SH3D19: variants seen among roughly 807,000 people sequenced by gnomAD.
The protein encoded by SH3D19 is SH3 domain-containing protein 19.
SH3D19 carries 58 observed loss-of-function variants against 112.1 expected under a neutral mutation model. The observed-to-expected ratio is 0.52, with a 90% CI of 0.42 to 0.64. The LOEUF is 0.64. SH3D19 is among the 30% of genes least tolerant of loss of function. The pLI is 0.00. For missense variants in SH3D19, 1,090 were observed against 1,263.4 expected (o/e 0.86, Z 2.08); for synonymous variants, 391 against 448.5 (o/e 0.87, Z 1.62).
chr4:151,159,853 T>C (rs944018480), intron 8 of SH3D19, among the ~76,000 whole-genome samples: 1 of 152,200 alleles, frequency 6.6e-6, no homozygotes, highest in Non-Finnish European at 1.5e-5. Flanking sequence ...TCTATCTTTG[T>C]AGAAAGTTCT....
chr4:151,127,325 A>G (rs1402962695), intron 19 of SH3D19, among the ~76,000 whole-genome samples: 1 of 152,192 alleles, frequency 6.6e-6, no homozygotes, highest in African/African-American at 2.4e-5. Flanking sequence ...TAAAAACCCT[A>G]ATATTACTGA....
intron 11 of SH3D19, among the ~76,000 whole-genome samples, chr4:151,145,898 T>C (rs1348055022): frequency 2.0e-5 from 3 of 152,216 alleles, no homozygotes; most frequent in African/African-American, 7.2e-5. Flanking sequence ...AATATCTACC[T>C]CACAAGGTTG....
At chr4:151,154,592 T>G (rs1425972387) in intron 9 of SH3D19, among the ~76,000 whole-genome samples, 1 of 151,370 alleles carries the variant, frequency 6.6e-6, no homozygotes, top group Non-Finnish European at 1.5e-5. Flanking sequence ...TTTCTTTTTT[T>G]TTGAGACAGA....
At chr4:151,223,810 C>T (rs1768495574) in intron 2 of SH3D19, among the ~76,000 whole-genome samples, 1 of 152,172 alleles carries the variant, frequency 6.6e-6, no homozygotes, top group African/African-American at 2.4e-5. Context: ...CCCAACCTGA[C>T]TACGCATCAG....
intron 19 of SH3D19, among the ~76,000 whole-genome samples, chr4:151,125,487 A>C (rs1274766763): frequency 1.7e-5 from 1 of 59,360 alleles, no homozygotes; most frequent in African/African-American, 3.1e-5. Context: ...AAAACAAAAC[A>C]AAACCAAAAA....
intron 8 of SH3D19, among the ~76,000 whole-genome samples, chr4:151,164,492 T>G (rs1186250731): frequency 2.0e-5 from 3 of 152,106 alleles, no homozygotes; most frequent in African/African-American, 7.2e-5. Flanking sequence ...TTATTAAAGC[T>G]CCTATAGAAT....
chr4:151,288,262 G>A (rs1775011468), intron 1 of SH3D19, among the ~76,000 whole-genome samples: 1 of 152,168 alleles, frequency 6.6e-6, no homozygotes, highest in Non-Finnish European at 1.5e-5. Flanking sequence ...CACTGTACTG[G>A]AGGTTCTAGC....
intron 8 of SH3D19, among the ~76,000 whole-genome samples, chr4:151,161,579 A>G (rs1757149906): frequency 2.0e-5 from 3 of 151,300 alleles, no homozygotes; most frequent in South Asian, 2.1e-4. Flanking sequence ...CCTGCCATTT[A>G]AAGCAGAAAG....
intron 1 of SH3D19, among the ~76,000 whole-genome samples, chr4:151,254,899 G>A (rs539479449): frequency 5.9e-5 from 9 of 151,436 alleles, no homozygotes; most frequent in Middle Eastern, 3.4e-3. Context: ...AGGGGCGGCC[G>A]GGCAGAGGCG....
chr4:151,207,879 T>C (rs1056463845), intron 2 of SH3D19, among the ~76,000 whole-genome samples: 6 of 152,104 alleles, frequency 3.9e-5, no homozygotes, highest in Admixed American at 3.9e-4. Context: ...ATCAAACTGA[T>C]ATGTCAGAAA....
chr4:151,225,666 A>G (rs57818221), intron 2 of SH3D19, among the ~76,000 whole-genome samples: 5,782 of 152,258 alleles, frequency 0.038, 319 homozygotes, highest in African/African-American at 0.13. Context: ...TATTTTTAAA[A>G]TATCTTTTAA....
At chr4:151,193,088 T>C (rs566127304) in intron 2 of SH3D19, among the ~76,000 whole-genome samples, 8 of 152,064 alleles carry the variant, frequency 5.3e-5, no homozygotes, top group South Asian at 2.1e-4. Context: ...ATTCTACTCA[T>C]AGAGAGAAAG....
intron 19 of SH3D19, among the ~76,000 whole-genome samples, chr4:151,125,056 T>TTTCC (rs1490569129): frequency 6.6e-6 from 1 of 151,874 alleles, no homozygotes; most frequent in Non-Finnish European, 1.5e-5. Context: ...AACAGTTTTC[T>TTTCC]TTCTTTCTTT....
At chr4:151,282,384 C>A (rs542676890) in intron 1 of SH3D19, 2 of 1,613,744 alleles carry the variant, frequency 1.2e-6, no homozygotes, top group South Asian at 2.2e-5. Context: ...TGTTGGGTGA[C>A]CGGATGGGGA....
At chr4:151,287,513 T>C (rs1197841226) in intron 1 of SH3D19, among the ~76,000 whole-genome samples, 1 of 152,060 alleles carries the variant, frequency 6.6e-6, no homozygotes. Context: ...AAAAGGACTA[T>C]ATATACCGGA....
At chr4:151,209,355 T>C (rs1765606800) in intron 2 of SH3D19, among the ~76,000 whole-genome samples, 1 of 151,964 alleles carries the variant, frequency 6.6e-6, no homozygotes, top group African/African-American at 2.4e-5. Flanking sequence ...CTTGGCTCAC[T>C]GCAACTTCTG....
intron 2 of SH3D19, among the ~76,000 whole-genome samples, chr4:151,189,277 C>T (rs1242201903): frequency 1.3e-5 from 2 of 152,002 alleles, no homozygotes; most frequent in Non-Finnish European, 2.9e-5. Flanking sequence ...CCATGCCCAG[C>T]TGATTTTTTG....
intron 2 of SH3D19, among the ~76,000 whole-genome samples, chr4:151,207,288 TG>T (rs1396252439): frequency 3.3e-5 from 5 of 152,200 alleles, no homozygotes; most frequent in African/African-American, 1.2e-4. Flanking sequence ...TTACAGGAGT[TG>T]TTTCCAGAGT....
intron 16 of SH3D19, 102 bp from the exon 17 acceptor site, chr4:151,132,485 C>A: frequency 1.0e-6 from 1 of 966,810 alleles, no homozygotes; most frequent in Admixed American, 2.1e-5. Flanking sequence ...GGAGTGAAGA[C>A]TCTGGGATTC....
Sources: gnomAD v4.1 joint callset for allele counts (sites outside exome capture counted in the v4.1 genomes callset) on GRCh38, gnomAD v4.1.1 for gene constraint, MANE v1.5 for transcripts, NCBI Gene and HGNC (gene_info 2026-07-23, HGNC 2026-07-21) for gene names.